The following GPN3 variants were observed in gnomAD, a reference collection of about 807,000 sequenced individuals.
GPN3 encodes ATP-binding domain 1 family member C.
Under a neutral mutation model 38.7 loss-of-function variants are expected in GPN3, and 31 were observed. The ratio of observed to expected loss-of-function variants is 0.80; its 90% confidence interval spans 0.60 to 1.08. GPN3 has a LOEUF of 1.08. Among genes scored for constraint, GPN3 ranks in the 50% least tolerant of loss-of-function variants. The pLI, the probability that GPN3 is intolerant of heterozygous loss-of-function variation, is 0.00. For synonymous variants in GPN3, 116 were observed against 120.2 expected, an observed-to-expected ratio of 0.96 and a Z score of 0.23; for missense variants, 301 against 354.4, an observed-to-expected ratio of 0.85 and a Z score of 1.21.
chr12:110,453,682 C>A, intron 7 of GPN3, 61 bp downstream of exon 7: 1 of 1,353,508 alleles, frequency 7.4e-7, no homozygotes, highest in East Asian at 2.3e-5. Context: ...ATGCAAGAGT[C>A]CAGTGAGTGC....
Position 110,468,195 on chromosome 12 carries a change from C to T in GPN3, c.9G>A (p.Arg3=), listed in dbSNP as rs746801257. 6.2e-7 allele frequency: 1 copy of T among 1,609,380 alleles called. No individual in the cohort carries two copies. Residue 3 remains arginine (R), a synonymous_variant, in exon 1 of 8, where the codon CGG becomes CGA. Transcript: ENST00000228827. MP[R]YAQLVMGPAG... ...CGGGGCCCATGACCAGCTGCGCATA[C>T]CGAGGCATGTTGGCTCCCGGAGCCG...
intron 4 of GPN3, among the ~76,000 whole-genome samples, chr12:110,457,011 T>C (rs915533487): frequency 2.6e-5 from 4 of 152,128 alleles, no homozygotes; most frequent in Non-Finnish European, 5.9e-5. Context: ...TCAGTTTTTT[T>C]CTTGGTAAGC....
In GPN3 at chr12:110,453,813, A is replaced by G. The variant is rs1176351484; in HGVS notation, c.722T>C (p.Met241Thr). ...LPYDQSDEESMNIVLQHIDFA... is the reference protein window; with the variant it reads ...LPYDQSDEESTNIVLQHIDFA... ...ATCAATATGCTGCAATACAATGTTCATGCTTTCTTCATCTGACTGATCGTA... is the reference window on the plus strand; with the variant it reads ...ATCAATATGCTGCAATACAATGTTCGTGCTTTCTTCATCTGACTGATCGTA... Residue 241 changes from methionine to threonine, a missense_variant, in exon 7 of 8, where the codon ATG (methionine) becomes ACG (threonine). Met to Thr is a moderately conservative substitution (Grantham distance 81). Transcript: ENST00000228827. 4 of 1,593,766 alleles carry G rather than the reference A, an allele frequency of 2.5e-6. No homozygotes were observed. The highest frequency in any genetic ancestry group is 2.2e-5 in the South Asian group (2 of 90,658).
rs2062554420 is a variant in GPN3, at chr12:110,456,934, G to A, written c.450+576C>T. ...GCAGGTCCGAAACTCTTGGGCTCAA[G>A]CAATCCTCCTGCCTTGGCCTCCCAA... On this transcript the variant is annotated intron_variant, in intron 4 of 7. Transcript: ENST00000228827. 2.0e-5 allele frequency among the ~76,000 whole-genome samples: 3 copies of A among 152,012 alleles called. No homozygotes were observed. In the South Asian group the frequency reaches 6.2e-4, roughly 31 times the overall value.
chr12:110,455,290 T>A (rs1307595474), intron 6 of GPN3, among the ~76,000 whole-genome samples: 8 of 150,798 alleles, frequency 5.3e-5, no homozygotes, highest in Middle Eastern at 3.4e-3. Context: ...GCCCAGCTAA[T>A]TTTTTTTTGT....
At position 110,468,199 on chromosome 12, in the gene GPN3, G is replaced by A. The variant is rs1382740387; in HGVS notation, c.5C>T (p.Pro2Leu). 3 of 1,607,906 alleles carry A rather than the reference G, an allele frequency of 1.9e-6. No homozygotes were observed. The highest frequency in any genetic ancestry group is 1.3e-5 in the African/African-American group (1 of 74,920). M[P>L]RYAQLVMGPA... Reference sequence around the variant, plus strand: ...GCCCATGACCAGCTGCGCATACCGAGGCATGTTGGCTCCCGGAGCCGCCCG... The same window carrying A: ...GCCCATGACCAGCTGCGCATACCGAAGCATGTTGGCTCCCGGAGCCGCCCG... The change falls in exon 1 of 8, where the codon CCT (proline) becomes CTT (leucine). Residue 2 changes from proline to leucine, a missense_variant. Transcript: ENST00000228827.
At chr12:110,467,875 T>C (rs552255733) in intron 1 of GPN3, among the ~76,000 whole-genome samples, 3 of 152,252 alleles carry the variant, frequency 2.0e-5, no homozygotes, top group African/African-American at 7.2e-5. Flanking sequence ...TCGTTTTCTG[T>C]AAAATGAGAA....
chr12:110,462,488 C>A (rs2062596279), intron 2 of GPN3, among the ~76,000 whole-genome samples: 1 of 152,166 alleles, frequency 6.6e-6, no homozygotes, highest in Admixed American at 6.5e-5. Context: ...ATTCAACTTG[C>A]AAAATATATT....
rs973182936 is a variant in GPN3, at chr12:110,454,022, C to G, written c.664-151G>C. On this transcript the variant is annotated intron_variant, in intron 6 of 7. Transcript: ENST00000228827. ...GAGGAGGAGAAGGGATAGCTAGACA[C>G]AGAGAGTAAATCATTGATTTTTCTG... The G allele has an allele frequency of 8.3e-6, 5 of 603,132 alleles. No homozygotes were observed. In the Admixed American group the frequency reaches 1.6e-4, roughly 19 times the overall value. 37.4% of individuals were successfully genotyped at this position (603,132 alleles called of 1,614,324 possible).
Position 110,454,732 on chromosome 12 carries a change from G to A in GPN3, c.663+854C>T, listed in dbSNP as rs145628853. On this transcript the variant is annotated intron_variant, in intron 6 of 7. Transcript: ENST00000228827. The stretch of plus-strand genomic sequence containing the variant: ...GAGCACAGTGACATGATCTGATCAT[G>A]GCTCACTACAGCCTTGACCTCCCAG... 8.5e-3 allele frequency among the ~76,000 whole-genome samples: 1,297 copies of A among 151,752 alleles called. 2 individuals are homozygous for A. The highest frequency in any genetic ancestry group is 9.4e-3 in the Non-Finnish European group (637 of 67,894).
At chr12:110,455,984 T>C (rs2062547106) in intron 4 of GPN3, 54 bp from the exon 5 acceptor site, 2 of 919,908 alleles carry the variant, frequency 2.2e-6, no homozygotes, top group Non-Finnish European at 3.6e-6. Flanking sequence ...AACAGTTACC[T>C]GGTCTGCATA....
chr12:110,461,465 TG>T (rs1565844465), intron 2 of GPN3: 3 of 536,486 alleles, frequency 5.6e-6, no homozygotes, highest in South Asian at 4.4e-5. Context: ...TCAGGTGTGC[TG>T]GCATGTGCCT....
At position 110,452,656 on chromosome 12, in the gene GPN3, G is replaced by C. The variant is rs2062520689; in HGVS notation, c.*378C>G. Reference sequence around the variant, plus strand: ...AAGCAGTGGTCTTATATATATCCTTGCAGCTTTTTCCCTTCGGACATACAT... The same window carrying C: ...AAGCAGTGGTCTTATATATATCCTTCCAGCTTTTTCCCTTCGGACATACAT... On this transcript the variant is annotated 3_prime_UTR_variant, in exon 8 of 8. Coordinates refer to ENST00000228827, the MANE Select transcript of GPN3 (RefSeq NM_016301.4). 4.8e-6 allele frequency: 1 copy of C among 208,216 alleles called. No individual in the cohort carries two copies. The highest frequency in any genetic ancestry group is 6.0e-5 in the South Asian group (1 of 16,568). The allele number at this position is 208,216 out of a possible 1,614,324, so 12.9% of individuals were successfully genotyped here.
rs751184079 is a variant in GPN3 at position 110,457,568 on chromosome 12, T to C, written c.392A>G (p.Glu131Gly). ...AAGAAAAACTCCACAGACTCGGAAC[T>C]CCCACTGCTCGAGCTGCTGGACCAG... ...KQLVQQLEQW[E>G]FRVCGVFLVD... Residue 131 changes from glutamate to glycine, a missense_variant, in exon 4 of 8, where the codon GAG (glutamate) becomes GGG (glycine). Transcript: ENST00000228827. The C allele has an allele frequency of 1.3e-6, 2 of 1,577,656 alleles. No individual in the cohort carries two copies. Among genetic ancestry groups the C allele is most frequent in the South Asian group, 2.2e-5 (2 of 90,334 alleles).
At chr12:110,465,932 C>A (rs2062624248) in intron 1 of GPN3, among the ~76,000 whole-genome samples, 2 of 152,060 alleles carry the variant, frequency 1.3e-5, no homozygotes, top group South Asian at 4.1e-4. Flanking sequence ...CAAAAATTAG[C>A]TGGGCGTGGT....
At chr12:110,468,125 C>G (rs1188052585) in intron 1 of GPN3, 31 bp downstream of exon 1, 1 of 1,614,104 alleles carries the variant, frequency 6.2e-7, no homozygotes, top group South Asian at 1.1e-5. Context: ...CGAACTCCTA[C>G]TTTTCTCTCC....
chr12:110,459,933 C>G, intron 2 of GPN3, 71 bp from the exon 3 acceptor site: 3 of 1,263,622 alleles, frequency 2.4e-6, no homozygotes, highest in Non-Finnish European at 3.4e-6. Flanking sequence ...AGAAATAGAA[C>G]ATAAAAGTTA....
At position 110,468,200 on chromosome 12, in the gene GPN3, G is replaced by A; in HGVS notation, c.4C>T (p.Pro2Ser). 1 of 1,607,790 alleles carries A rather than the reference G, an allele frequency of 6.2e-7. No individual in the cohort carries two copies. Among genetic ancestry groups the A allele is most frequent in the Non-Finnish European group, 8.5e-7 (1 of 1,179,938 alleles). ...CCCATGACCAGCTGCGCATACCGAG[G>A]CATGTTGGCTCCCGGAGCCGCCCGC... M[P>S]RYAQLVMGPA... Residue 2 changes from proline to serine, a missense_variant, in exon 1 of 8, where the codon CCT becomes TCT. By Grantham distance (74) the Pro-to-Ser change is moderately conservative. Coordinates refer to ENST00000228827, the MANE Select transcript of GPN3 (RefSeq NM_016301.4).
Position 110,459,771 on chromosome 12 carries a change from G to A in GPN3, c.249C>T (p.Tyr83=). The change falls in exon 3 of 8, where the codon TAC becomes TAT. Residue 83 remains tyrosine, a synonymous_variant. Coordinates refer to ENST00000228827, the MANE Select transcript of GPN3 (RefSeq NM_016301.4). ...PNGGLVFCME[Y]FANNFDWLEN... ...CCAGCCAGTCAAAATTATTGGCAAA[G>A]TACTCCATGCAAAATACCAATCCTC... 6.2e-7 allele frequency: 1 copy of A among 1,612,334 alleles called. No individual in the cohort carries two copies. The highest frequency in any genetic ancestry group is 8.5e-7 in the Non-Finnish European group (1 of 1,178,416).
Sources: allele counts gnomAD v4.1 joint callset (sites outside exome capture counted in the v4.1 genomes callset), GRCh38; gene constraint gnomAD v4.1.1; transcripts MANE v1.5; gene names NCBI Gene and HGNC (gene_info 2026-07-23, HGNC 2026-07-21).